The following NAV3 variants were observed in gnomAD, a reference collection of about 807,000 sequenced individuals.
The protein encoded by NAV3 is neuron navigator 3, also known as pore membrane and/or filament interacting like protein 1.
A neutral mutation model predicts 244.7 loss-of-function variants in NAV3; 87 were observed. That is an observed-to-expected ratio of 0.36 (90% CI 0.30 to 0.42). NAV3 has a LOEUF of 0.42. Among genes scored for constraint, NAV3 ranks in the 20% least tolerant of loss-of-function variants. The pLI is 1.00. For synonymous variants in NAV3, 1,126 were observed against 1,042.2 expected (o/e 1.08, Z -1.55); for missense variants, 2,663 against 2,893.3 (o/e 0.92, Z 1.83).
Position 78,006,682 on chromosome 12 carries a change from A to G in NAV3, c.1144A>G (p.Lys382Glu). The G allele has an allele frequency of 1.2e-6, 2 of 1,614,122 alleles. No individual in the cohort carries two copies. Among genetic ancestry groups the G allele is most frequent in the Non-Finnish European group, 1.7e-6 (2 of 1,180,028 alleles). ...EGVKTAPSGQ[K>E]SMLEKFKLVN... is the part of the protein sequence containing the mutation. ...GGTCAAAACTGCTCCCTCAGGACAG[A>G]AATCCATGCTTGAGAAATTCAAGCT... The change falls in exon 8 of 40, where the codon AAA becomes GAA. Residue 382 changes from lysine to glutamate, a missense_variant. This residue lies in a region of NAV3 where 1,521 missense variants were observed against 1,497.0 expected (regional missense o/e 1.02). Coordinates refer to ENST00000397909, the MANE Select transcript of NAV3 (RefSeq NM_001024383.2).
At chr12:77,866,801 A>G (rs181576644) in intron 1 of NAV3, among the ~76,000 whole-genome samples, 7 of 152,376 alleles carry the variant, frequency 4.6e-5, no homozygotes, top group Admixed American at 4.6e-4. Context: ...GCTTAGATCT[A>G]TAGTCAAATT....
chr12:77,851,213 T>C (rs1399594295), intron 1 of NAV3, among the ~76,000 whole-genome samples: 1 of 152,198 alleles, frequency 6.6e-6, no homozygotes, highest in Non-Finnish European at 1.5e-5. Context: ...TATGTAACTG[T>C]TAATCTTGTG....
At chr12:78,071,094 TA>T (rs1396637223) in intron 12 of NAV3, among the ~76,000 whole-genome samples, 3 of 152,036 alleles carry the variant, frequency 2.0e-5, no homozygotes, top group Admixed American at 2.0e-4. Context: ...GGTCAAATGG[TA>T]TTTCCAGTTC....
chr12:78,170,703 A>G (rs1475012012), intron 24 of NAV3, among the ~76,000 whole-genome samples: 1 of 151,810 alleles, frequency 6.6e-6, no homozygotes, highest in African/African-American at 2.4e-5. Flanking sequence ...TATTTCAGCT[A>G]TCCTGAATTG....
intron 2 of NAV3, among the ~76,000 whole-genome samples, chr12:77,714,264 T>C (rs149452521): frequency 5.3e-4 from 80 of 152,232 alleles, no homozygotes; most frequent in African/African-American, 1.8e-3. Flanking sequence ...GCTGCATGAA[T>C]GGGTAAGAAA....
chr12:78,189,461 A>G (rs901802892), intron 33 of NAV3, among the ~76,000 whole-genome samples: 1 of 151,640 alleles, frequency 6.6e-6, no homozygotes, highest in Non-Finnish European at 1.5e-5. Flanking sequence ...TGTATTCTTC[A>G]AAAGCTTGAG....
intron 2 of NAV3, among the ~76,000 whole-genome samples, chr12:77,672,622 T>C (rs1481539391): frequency 6.6e-6 from 1 of 151,900 alleles, no homozygotes; most frequent in South Asian, 2.1e-4. Flanking sequence ...TATGTATATG[T>C]ATAAGCTATG....
intron 2 of NAV3, among the ~76,000 whole-genome samples, chr12:77,739,600 A>G (rs186231754): frequency 2.6e-5 from 4 of 152,342 alleles, no homozygotes; most frequent in Admixed American, 6.5e-5. Flanking sequence ...TTGAGTATTC[A>G]CAACTAGTAG....
intron 22 of NAV3, among the ~76,000 whole-genome samples, chr12:78,154,813 G>T (rs1256945247): frequency 6.6e-6 from 1 of 151,912 alleles, no homozygotes; most frequent in African/African-American, 2.4e-5. Flanking sequence ...GACAAGATGT[G>T]ATACCCTATA....
intron 2 of NAV3, among the ~76,000 whole-genome samples, chr12:77,777,955 A>C (rs1244777514): frequency 1.3e-5 from 2 of 151,818 alleles, no homozygotes; most frequent in East Asian, 1.9e-4. Flanking sequence ...ACAGGTACGC[A>C]CCACAATAAT....
chr12:77,947,582 T>A (rs1890479579), intron 3 of NAV3: 1 of 152,100 alleles, frequency 6.6e-6, no homozygotes, highest in Non-Finnish European at 1.5e-5. Flanking sequence ...TCCAGTCACA[T>A]GATCCCTTGA....
chr12:77,663,084 G>C (rs1322616633), intron 2 of NAV3, among the ~76,000 whole-genome samples: 1 of 152,050 alleles, frequency 6.6e-6, no homozygotes, highest in Non-Finnish European at 1.5e-5. Flanking sequence ...CAGTCTTTAA[G>C]AATACATTAA....
intron 12 of NAV3, among the ~76,000 whole-genome samples, chr12:78,070,598 T>A (rs1055057409): frequency 2.0e-5 from 3 of 151,738 alleles, no homozygotes; most frequent in Non-Finnish European, 4.4e-5. Flanking sequence ...CATGTGCACA[T>A]TGTGCAGGTT....
chr12:77,739,223 T>G (rs1868284558), intron 2 of NAV3, among the ~76,000 whole-genome samples: 1 of 152,136 alleles, frequency 6.6e-6, no homozygotes, highest in African/African-American at 2.4e-5. Flanking sequence ...TACTGCCTAC[T>G]ACATCTTATA....
At chr12:78,038,026 C>G (rs1880209504) in intron 9 of NAV3, among the ~76,000 whole-genome samples, 1 of 152,192 alleles carries the variant, frequency 6.6e-6, no homozygotes, top group South Asian at 2.1e-4. Flanking sequence ...ATGTAGATGA[C>G]TATGAACTGT....
chr12:77,954,261 ATATT>A, intron 3 of NAV3, among the ~76,000 whole-genome samples: 1 of 152,210 alleles, frequency 6.6e-6, no homozygotes, highest in South Asian at 2.1e-4. Flanking sequence ...ATTCAACCAT[ATATT>A]TATTGAGCCC....
intron 2 of NAV3, among the ~76,000 whole-genome samples, chr12:77,767,851 G>A (rs1007886517): frequency 1.6e-4 from 24 of 152,238 alleles, no homozygotes; most frequent in African/African-American, 5.8e-4. Context: ...AGTGAGCAAA[G>A]GAGGTGTGTG....
At chr12:77,861,097 C>T (rs1879191726) in intron 1 of NAV3, among the ~76,000 whole-genome samples, 1 of 151,818 alleles carries the variant, frequency 6.6e-6, no homozygotes, top group African/African-American at 2.4e-5. Flanking sequence ...AGCTTGAAGC[C>T]ATAACCATGA....
intron 29 of NAV3, 70 bp from the exon 30 acceptor site, chr12:78,180,801 T>C (rs1028030744): frequency 3.1e-6 from 4 of 1,280,584 alleles, no homozygotes; most frequent in Non-Finnish European, 4.3e-6. Flanking sequence ...TTAACTCTGA[T>C]AAAAGACTTG....
Sources: gnomAD v4.1 joint callset for allele counts (sites outside exome capture counted in the v4.1 genomes callset) on GRCh38, gnomAD v4.1.1 for gene constraint, gnomAD v4.1.1 regional missense constraint, MANE v1.5 for transcripts, NCBI Gene and HGNC (gene_info 2026-07-23, HGNC 2026-07-21) for gene names.